PDK1: variants seen among roughly 807,000 people sequenced by gnomAD.
PDK1 encodes the protein [Pyruvate dehydrogenase (acetyl-transferring)] kinase isozyme 1, mitochondrial.
A neutral mutation model predicts 54.2 loss-of-function variants in PDK1; 39 were observed. That is an observed-to-expected ratio of 0.72 (90% CI 0.56 to 0.94). PDK1 has a LOEUF of 0.94. Ranked by LOEUF, PDK1 falls within the 40% of genes least tolerant of loss-of-function variation. The probability of loss-of-function intolerance (pLI) is 0.00; values close to 1 mark genes in which losing one functional copy is unlikely to be tolerated. For synonymous variants in PDK1, 221 were observed against 207.1 expected, an observed-to-expected ratio of 1.07 and a Z score of -0.58; for missense variants, 552 against 566.0, an observed-to-expected ratio of 0.98 and a Z score of 0.25.
chr2:172,617,423 CTATAGA>C, the PDK1 span, among the ~76,000 whole-genome samples: 1 of 152,162 alleles, frequency 6.6e-6, no homozygotes, highest in East Asian at 1.9e-4. Context: ...ACTGAGTAAT[CTATAGA>C]GAATGAAAAT....
the PDK1 span, among the ~76,000 whole-genome samples, chr2:172,639,597 T>C: frequency 1.1e-4 from 17 of 152,330 alleles, no homozygotes; most frequent in South Asian, 2.1e-4. Flanking sequence ...TTATTTTCAT[T>C]CCCAAAATAA....
intron 6 of PDK1, among the ~76,000 whole-genome samples, chr2:172,568,365 T>C (rs1189401149): frequency 1.3e-5 from 2 of 150,294 alleles, no homozygotes; most frequent in East Asian, 3.9e-4. Flanking sequence ...AAGAAGAATG[T>C]ATGCATGCAT....
chr2:172,721,394 G>A, the PDK1 span, among the ~76,000 whole-genome samples: 1 of 152,268 alleles, frequency 6.6e-6, no homozygotes, highest in South Asian at 2.1e-4. Flanking sequence ...AGGCTGGAGT[G>A]CAGTGGCATG....
the PDK1 span, among the ~76,000 whole-genome samples, chr2:172,698,795 G>A: frequency 5.1e-4 from 77 of 152,312 alleles, 1 homozygote; most frequent in Admixed American, 1.2e-3. Flanking sequence ...TAAACAACAC[G>A]CATGCCCAGG....
chr2:172,686,718 G>A, the PDK1 span, among the ~76,000 whole-genome samples: 2 of 152,204 alleles, frequency 1.3e-5, no homozygotes, highest in African/African-American at 4.8e-5. Flanking sequence ...ACCTTTAAGA[G>A]CTGTAACATT....
the PDK1 span, among the ~76,000 whole-genome samples, chr2:172,660,247 CTTT>C: frequency 6.8e-5 from 3 of 44,218 alleles, no homozygotes; most frequent in South Asian, 1.0e-3. Flanking sequence ...CTCTCTCTCT[CTTT>C]TTTTTTTTTT....
chr2:172,639,182 A>G, the PDK1 span, among the ~76,000 whole-genome samples: 3 of 152,314 alleles, frequency 2.0e-5, no homozygotes, highest in Admixed American at 2.0e-4. Flanking sequence ...CACCATGCCT[A>G]GCCAAGTATC....
At chr2:172,591,982 G>A (rs931945655) in intron 9 of PDK1, among the ~76,000 whole-genome samples, 2 of 152,190 alleles carry the variant, frequency 1.3e-5, no homozygotes, top group African/African-American at 4.8e-5. Flanking sequence ...AGTACCCATT[G>A]TGTCTTTTTC....
At chr2:172,629,785 C>T in the PDK1 span, among the ~76,000 whole-genome samples, 1 of 152,178 alleles carries the variant, frequency 6.6e-6, no homozygotes, top group Non-Finnish European at 1.5e-5. Context: ...GCTGCAGGCC[C>T]GCATGGAGTT....
the PDK1 span, among the ~76,000 whole-genome samples, chr2:172,721,664 G>A: frequency 2.0e-5 from 3 of 152,182 alleles, no homozygotes; most frequent in Non-Finnish European, 4.4e-5. Flanking sequence ...AGTTATTCTA[G>A]AGATTAAAAT....
At chr2:172,640,522 A>G in the PDK1 span, among the ~76,000 whole-genome samples, 2 of 152,222 alleles carry the variant, frequency 1.3e-5, no homozygotes, top group Non-Finnish European at 2.9e-5. Context: ...ATTGATAGAT[A>G]GCATGTTTAC....
At chr2:172,609,022 T>C (rs1250281487), downstream of PDK1, among the ~76,000 whole-genome samples, 2 of 152,240 alleles carry the variant, frequency 1.3e-5, no homozygotes, top group Non-Finnish European at 2.9e-5. Flanking sequence ...TACTACATTA[T>C]GCAAAATTAA....
chr2:172,662,783 A>C, the PDK1 span, among the ~76,000 whole-genome samples: 1 of 152,168 alleles, frequency 6.6e-6, no homozygotes, highest in African/African-American at 2.4e-5. Flanking sequence ...AAATTTCTAG[A>C]AAAAAGGTGC....
rs964095217 is a variant in PDK1, at chr2:172,596,121, C to T, written c.*152C>T. The T allele has an allele frequency of 8.6e-5, 52 of 602,888 alleles. No homozygotes were observed. The highest frequency in any genetic ancestry group is 1.3e-4 in the Non-Finnish European group (47 of 354,956). 37.3% of individuals were successfully genotyped at this position (602,888 alleles called of 1,614,324 possible). A position where few individuals can be genotyped will look rare whatever the true frequency, so the allele number is the denominator to read the frequency against. ...ATGGAAACTGAATTCCATTTGTGCC[C>T]GTTAAACCTCCTAAAGGATGAAATT... On this transcript the variant is annotated 3_prime_UTR_variant, in exon 11 of 11. Transcript: ENST00000282077.
chr2:172,660,245 C>G, the PDK1 span, among the ~76,000 whole-genome samples: 42 of 55,664 alleles, frequency 7.5e-4, 1 homozygote, highest in African/African-American at 2.8e-3. Flanking sequence ...CTCTCTCTCT[C>G]TCTTTTTTTT....
intron 8 of PDK1, among the ~76,000 whole-genome samples, chr2:172,573,973 A>T (rs1203664270): frequency 6.6e-6 from 1 of 151,996 alleles, no homozygotes; most frequent in Non-Finnish European, 1.5e-5. Context: ...TTCACATTGC[A>T]TGTGATTTCA....
the PDK1 span, among the ~76,000 whole-genome samples, chr2:172,650,939 A>C: frequency 2.0e-5 from 3 of 152,164 alleles, no homozygotes; most frequent in African/African-American, 4.8e-5. Context: ...GAAAGTTACA[A>C]GGATATCCAG....
the PDK1 span, among the ~76,000 whole-genome samples, chr2:172,643,294 A>G: frequency 6.6e-6 from 1 of 152,124 alleles, no homozygotes; most frequent in African/African-American, 2.4e-5. Flanking sequence ...TTAGGTTACT[A>G]CCTCACCTCC....
At chr2:172,558,165 G>A (rs1417856364) in intron 1 of PDK1, 1 of 152,336 alleles carries the variant, frequency 6.6e-6, no homozygotes, top group African/African-American at 2.4e-5. Flanking sequence ...GGCTGGTCAA[G>A]TTAAGCAGTG....
Sources: gnomAD v4.1 joint callset for allele counts (sites outside exome capture counted in the v4.1 genomes callset) on GRCh38, gnomAD v4.1.1 for gene constraint, MANE v1.5 for transcripts, NCBI Gene and HGNC (gene_info 2026-07-23, HGNC 2026-07-21) for gene names.